The following VAV1 variants were observed in gnomAD, a reference collection of about 807,000 sequenced individuals.
The protein encoded by VAV1 is proto-oncogene vav.
Under a neutral mutation model 128.1 loss-of-function variants are expected in VAV1, and 33 were observed. The ratio of observed to expected loss-of-function variants is 0.26; its 90% CI spans 0.20 to 0.34. VAV1 has a LOEUF of 0.34. VAV1 is among the 10% of genes least tolerant of loss of function. VAV1 has a pLI of 1.00. For synonymous variants in VAV1, 394 were observed against 409.8 expected (o/e 0.96, Z 0.47); for missense variants, 715 against 1,093.7 (o/e 0.65, Z 4.88).
At chr19:6,791,025 C>T (rs1028198041) in intron 1 of VAV1, among the ~76,000 whole-genome samples, 1 of 152,202 alleles carries the variant, frequency 6.6e-6, no homozygotes, top group Non-Finnish European at 1.5e-5. Flanking sequence ...ATTTCACATG[C>T]ATCCTTGGAT....
chr19:6,832,343 C>A, intron 15 of VAV1, 143 bp downstream of exon 15: 1 of 769,286 alleles, frequency 1.3e-6, no homozygotes, highest in Non-Finnish European at 2.1e-6. Context: ...ATAAGAGGGA[C>A]AGGCCCAAGG....
At position 6,817,383 on chromosome 19, in the gene VAV1, A is replaced by G. The variant is rs147361076; in HGVS notation, c.205-3319A>G. ...CCAGCCAAAAAATGCAAATATTGTT[A>G]TGGTAGGGGCACAGAGTAGGGGTTG... On this transcript the variant is annotated intron_variant, in intron 1 of 26. Transcript: ENST00000602142. Among the ~76,000 whole-genome samples the G allele has an allele frequency of 7.7e-3, 1,172 of 152,068 alleles. 9 individuals carry two copies. The highest frequency in any genetic ancestry group is 0.021 in the African/African-American group (877 of 41,498).
rs749155012 is a variant in VAV1 at position 6,825,361 on chromosome 19, C to G, written c.782C>G (p.Pro261Arg). 1.2e-6 allele frequency: 2 copies of G among 1,613,888 alleles called. No individual in the cohort carries two copies. Among genetic ancestry groups the G allele is most frequent in the Non-Finnish European group, 1.7e-6 (2 of 1,179,922 alleles). Residue 261 changes from proline (P) to arginine (R), a missense_variant, in exon 8 of 27, where the codon CCT becomes CGT. Coordinates refer to ENST00000602142, the MANE Select transcript of VAV1 (RefSeq NM_005428.4). ...GAGATGAAGGAAGCCCTGGGCACCC[C>G]TGGCGCAGCCAATCTCTACCAGGTC... ...LKEMKEALGT[P>R]GAANLYQVFI... is the part of the protein sequence containing the mutation.
intron 22 of VAV1, among the ~76,000 whole-genome samples, chr19:6,843,633 C>T (rs1972436434): frequency 6.6e-6 from 1 of 152,190 alleles, no homozygotes; most frequent in Non-Finnish European, 1.5e-5. Context: ...TAACCTCCCT[C>T]TGTTTCAGCA....
chr19:6,783,739 A>T (rs1289487865), intron 1 of VAV1, among the ~76,000 whole-genome samples: 1 of 151,972 alleles, frequency 6.6e-6, no homozygotes, highest in African/African-American at 2.4e-5. Flanking sequence ...AAGTGCTGGG[A>T]TTACAGGCGT....
intron 1 of VAV1, among the ~76,000 whole-genome samples, chr19:6,798,473 TAATAAATAAATA>T (rs372820509): frequency 6.6e-6 from 1 of 151,286 alleles, no homozygotes; most frequent in African/African-American, 2.4e-5. Flanking sequence ...CTCTAATAAA[TAATAAATAAATA>T]AATAAATAAA....
At position 6,826,555 on chromosome 19, in the gene VAV1, C is replaced by CT; in HGVS notation, c.828-56dup. On this transcript the variant is annotated intron_variant, in intron 8 of 26. Coordinates refer to ENST00000602142, the MANE Select transcript of VAV1 (RefSeq NM_005428.4). The surrounding 1 kb of genome is among the most constrained non-coding windows in gnomAD (Gnocchi z 4.1). ...GAGCAAGGCCAGGGCTGACGCCAGC[C>CT]TCTGCCCGACCTTGATGCCAGTCAC... 7.3e-7 allele frequency: 1 copy of CT among 1,373,266 alleles called. No individual in the cohort carries two copies. The highest frequency in any genetic ancestry group is 1.0e-6 in the Non-Finnish European group (1 of 988,228). 85.1% of individuals were successfully genotyped at this position (1,373,266 alleles called of 1,614,324 possible).
In VAV1 at chr19:6,822,187, A is replaced by C; in HGVS notation, c.450-34A>C. Reference sequence around the variant, plus strand: ...CGGGGACCCTGCTGTGATCTGGGAGAGGTCCAAGGGATCCCTGACCTCACA... The same window carrying C: ...CGGGGACCCTGCTGTGATCTGGGAGCGGTCCAAGGGATCCCTGACCTCACA... On this transcript the variant is annotated intron_variant, in intron 4 of 26. Coordinates refer to ENST00000602142, the MANE Select transcript of VAV1 (RefSeq NM_005428.4). The surrounding 1 kb of genome is among the most constrained non-coding windows in gnomAD (Gnocchi z 5.9). 2 of 1,542,886 alleles carry C rather than the reference A, an allele frequency of 1.3e-6. No individual in the cohort carries two copies.
chr19:6,842,486 C>T (rs1381791334), intron 21 of VAV1, among the ~76,000 whole-genome samples: 3 of 152,048 alleles, frequency 2.0e-5, no homozygotes, highest in Non-Finnish European at 4.4e-5. Context: ...AATTCATGGG[C>T]ACTGACAGGT....
intron 1 of VAV1, among the ~76,000 whole-genome samples, chr19:6,812,985 A>G (rs2144751997): frequency 6.6e-6 from 1 of 152,366 alleles, no homozygotes; most frequent in South Asian, 2.1e-4. Context: ...ACAACATGAC[A>G]CAGTAGGCAT....
At chr19:6,788,756 A>C (rs901894862) in intron 1 of VAV1, among the ~76,000 whole-genome samples, 13 of 152,264 alleles carry the variant, frequency 8.5e-5, no homozygotes, top group Admixed American at 4.6e-4. Flanking sequence ...GGCCAGGAGA[A>C]TACCATGCTC....
chr19:6,856,731 AAAAAAAAAAAAAAAAG>A (rs922921905), intron 26 of VAV1, among the ~76,000 whole-genome samples: 2 of 124,248 alleles, frequency 1.6e-5, no homozygotes, highest in East Asian at 4.1e-4. Flanking sequence ...CTCAAAAAAG[AAAAAAAAAAAAAAAAG>A]AAAAGAAAAG....
intron 1 of VAV1, among the ~76,000 whole-genome samples, chr19:6,815,309 T>G (rs987934847): frequency 6.6e-6 from 1 of 151,968 alleles, no homozygotes; most frequent in Non-Finnish European, 1.5e-5. Flanking sequence ...ACCAGGCTAA[T>G]TTTTGTATTT....
intron 23 of VAV1, among the ~76,000 whole-genome samples, chr19:6,850,230 T>C (rs868371197): frequency 1.5e-5 from 2 of 130,802 alleles, no homozygotes; most frequent in South Asian, 5.2e-4. Context: ...TCTTTGTTTT[T>C]TTTTTTTTTT....
At chr19:6,825,514 G>T in intron 8 of VAV1, 108 bp downstream of exon 8, 1 of 949,074 alleles carries the variant, frequency 1.1e-6, no homozygotes, top group Non-Finnish European at 1.6e-6. Context: ...AGGACTTTTT[G>T]CTGTGTGTTC....
intron 1 of VAV1, among the ~76,000 whole-genome samples, chr19:6,819,353 A>G (rs1157228885): frequency 6.6e-6 from 1 of 152,254 alleles, no homozygotes; most frequent in African/African-American, 2.4e-5. Context: ...GCTGTTTCAT[A>G]TCACAGAATG....
Position 6,820,587 on chromosome 19 carries a change from A to T in VAV1, c.205-115A>T, listed in dbSNP as rs1971756576. 1.4e-6 allele frequency: 1 copy of T among 730,316 alleles called. No individual in the cohort carries two copies. The highest frequency in any genetic ancestry group is 2.1e-5 in the Admixed American group (1 of 47,112). 45.2% of individuals were successfully genotyped at this position (730,316 alleles called of 1,614,324 possible). A position where few individuals can be genotyped will look rare whatever the true frequency, so the allele number is the denominator to read the frequency against. On this transcript the variant is annotated intron_variant, in intron 1 of 26. Coordinates refer to ENST00000602142, the MANE Select transcript of VAV1 (RefSeq NM_005428.4). The surrounding 1 kb of genome is among the most constrained non-coding windows in gnomAD (Gnocchi z 4.4). Reference sequence around the variant, plus strand: ...AGAAGATAATTCAATTTCATGGAAGAGGGTCTGTGCTTTCATTTCCCCTCC... The same window carrying T: ...AGAAGATAATTCAATTTCATGGAAGTGGGTCTGTGCTTTCATTTCCCCTCC...
At chr19:6,805,760 G>A (rs1971383476) in intron 1 of VAV1, among the ~76,000 whole-genome samples, 1 of 149,994 alleles carries the variant, frequency 6.7e-6, no homozygotes, top group Non-Finnish European at 1.5e-5. Context: ...ATATATATAT[G>A]CACACACACT....
intron 1 of VAV1, among the ~76,000 whole-genome samples, chr19:6,783,747 C>A (rs146130884): frequency 6.6e-6 from 1 of 152,016 alleles, no homozygotes; most frequent in Non-Finnish European, 1.5e-5. Flanking sequence ...GGATTACAGG[C>A]GTGAGCCACC....
Sources: gnomAD v4.1 joint callset for allele counts (sites outside exome capture counted in the v4.1 genomes callset) on GRCh38, gnomAD v4.1.1 for gene constraint, Gnocchi (gnomAD v3.1) non-coding constraint, MANE v1.5 for transcripts, NCBI Gene and HGNC (gene_info 2026-07-23, HGNC 2026-07-21) for gene names.